The following UTP20 variants were observed in gnomAD, a reference collection of about 807,000 sequenced individuals.
The protein encoded by UTP20 is small subunit processome component 20 homolog.
UTP20 carries 164 observed loss-of-function variants against 329.5 expected under a neutral mutation model. The observed-to-expected ratio is 0.50, with a 90% CI of 0.44 to 0.57. UTP20 has a LOEUF of 0.57. Among genes scored for constraint, UTP20 ranks in the 20% least tolerant of loss-of-function variants. The pLI is 0.00. For synonymous variants in UTP20, 1,151 were observed against 1,159.3 expected (o/e 0.99, Z 0.14); for missense variants, 3,055 against 3,284.2 (o/e 0.93, Z 1.71).
At chr12:101,295,766 CATG>C in intron 12 of UTP20, 108 bp downstream of exon 12, 1 of 1,247,292 alleles carries the variant, frequency 8.0e-7, no homozygotes, top group Non-Finnish European at 1.1e-6. Context: ...GAAAGATGTC[CATG>C]ATAAGTTGTG....
intron 25 of UTP20, 185 bp from the exon 26 acceptor site, chr12:101,326,896 C>A (rs1345254159): frequency 3.3e-6 from 2 of 606,654 alleles, no homozygotes; most frequent in Non-Finnish European, 5.3e-6. Flanking sequence ...GCTCTCTTAG[C>A]CTTATTTTGT....
Position 101,305,765 on chromosome 12 carries a change from T to A in UTP20, c.1782-150T>A, listed in dbSNP as rs188509987. 42 of 864,178 alleles carry A rather than the reference T, an allele frequency of 4.9e-5. No individual in the cohort carries two copies. The East Asian group carries it at 5.7e-4, about 12-fold the overall frequency. 53.5% of individuals were successfully genotyped at this position (864,178 alleles called of 1,614,324 possible). ...TTGTTGCTGGGCCTCAGATTCTTCA[T>A]CTATGAAGTGAGCCAGATATCCACG... On this transcript the variant is annotated intron_variant, in intron 15 of 61. Coordinates refer to ENST00000261637, the MANE Select transcript of UTP20 (RefSeq NM_014503.3).
At chr12:101,382,918 G>A in intron 58 of UTP20, 123 bp from the exon 59 acceptor site, 1 of 1,146,748 alleles carries the variant, frequency 8.7e-7, no homozygotes, top group Non-Finnish European at 1.2e-6. Context: ...TTAAATAGTT[G>A]TAATACCTAG....
Position 101,280,968 on chromosome 12 carries a change from GTAAATT to G in UTP20, c.46-146_46-141del, listed in dbSNP as rs1292169289. 4.9e-6 allele frequency: 3 copies of G among 615,386 alleles called. No homozygotes were observed. The African/African-American group carries it at 5.5e-5, about 11-fold the overall frequency. The allele number at this position is 615,386 out of a possible 1,614,324, so 38.1% of individuals were successfully genotyped here. On this transcript the variant is annotated intron_variant, in intron 1 of 61. Transcript: ENST00000261637. ...TTCATTATCTTTGAACAGTGATGCA[GTAAATT>G]TGTTTACGGCCGTATGTTTTTCAGT...
intron 27 of UTP20, among the ~76,000 whole-genome samples, chr12:101,332,602 A>G (rs1253230522): frequency 1.3e-5 from 2 of 152,172 alleles, no homozygotes; most frequent in African/African-American, 4.8e-5. Flanking sequence ...GTTTGCTTTT[A>G]TTTCACACTC....
rs527372450 is a variant in UTP20 at position 101,329,564 on chromosome 12, C to T, written c.3417+115C>T. Reference sequence around the variant, plus strand: ...TTCCAACTCTCATTTCAAGTTTGATCCCAGAACAAAGCCCAAAATTGTAAA... The same window carrying T: ...TTCCAACTCTCATTTCAAGTTTGATTCCAGAACAAAGCCCAAAATTGTAAA... On this transcript the variant is annotated intron_variant, in intron 27 of 61. Coordinates refer to ENST00000261637, the MANE Select transcript of UTP20 (RefSeq NM_014503.3). 1.6e-4 allele frequency: 177 copies of T among 1,086,904 alleles called. No homozygotes were observed. In the African/African-American group the frequency reaches 2.5e-3, roughly 15 times the overall value. The allele number at this position is 1,086,904 out of a possible 1,614,324, so 67.3% of individuals were successfully genotyped here.
intron 48 of UTP20, 32 bp downstream of exon 48, chr12:101,368,008 A>G: frequency 7.0e-7 from 1 of 1,423,134 alleles, no homozygotes; most frequent in Non-Finnish European, 9.9e-7. Context: ...GCATTGGAGC[A>G]TTTATTTCTT....
In UTP20 at chr12:101,345,619, A is replaced by G; in HGVS notation, c.4671A>G (p.Glu1557=). 6.2e-7 allele frequency: 1 copy of G among 1,612,644 alleles called. No individual in the cohort carries two copies. The highest frequency in any genetic ancestry group is 8.5e-7 in the Non-Finnish European group (1 of 1,178,784). ...TTCAAACCTTTCCAAACCAACTGGA[A>G]TTCAAAGACTTGGTACAACTTACTC... ...CLIQTFPNQL[E]FKDLVQLTHY... is the part of the protein sequence containing the mutation. The change falls in exon 37 of 62, where the codon GAA becomes GAG. Residue 1557 remains glutamate, a synonymous_variant. Coordinates refer to ENST00000261637, the MANE Select transcript of UTP20 (RefSeq NM_014503.3).
At chr12:101,369,599 G>C in intron 48 of UTP20, 122 bp from the exon 49 acceptor site, 1 of 612,246 alleles carries the variant, frequency 1.6e-6, no homozygotes, top group East Asian at 2.5e-5. Flanking sequence ...TTCCAGAGTG[G>C]GCTGCGCTTA....
At chr12:101,330,568 A>G (rs923856092) in intron 27 of UTP20, among the ~76,000 whole-genome samples, 3 of 152,222 alleles carry the variant, frequency 2.0e-5, no homozygotes, top group Non-Finnish European at 4.4e-5. Context: ...ATGGAAGCAG[A>G]AAAGAGGTCT....
chr12:101,328,752 C>T (rs578172497), intron 26 of UTP20, among the ~76,000 whole-genome samples: 2 of 151,926 alleles, frequency 1.3e-5, no homozygotes, highest in African/African-American at 4.8e-5. Context: ...ACCTATAATC[C>T]CAGCTACTTG....
chr12:101,344,844 C>A, intron 36 of UTP20, 94 bp downstream of exon 36: 1 of 1,024,010 alleles, frequency 9.8e-7, no homozygotes, highest in East Asian at 2.6e-5. Flanking sequence ...AGTAGTCAGG[C>A]TTAGTGCATT....
chr12:101,302,344 T>C, intron 14 of UTP20, 104 bp from the exon 15 acceptor site: 1 of 686,834 alleles, frequency 1.5e-6, no homozygotes, highest in Non-Finnish European at 2.5e-6. Context: ...AAATTCACTT[T>C]AAGAACTTCC....
intron 44 of UTP20, 64 bp downstream of exon 44, chr12:101,362,124 T>C (rs1869946797): frequency 3.4e-6 from 4 of 1,167,822 alleles, no homozygotes; most frequent in Non-Finnish European, 5.1e-6. Context: ...AAAAAATCAA[T>C]TCACCAAATA....
intron 10 of UTP20, 68 bp downstream of exon 10, chr12:101,292,172 G>A: frequency 1.3e-6 from 2 of 1,514,762 alleles, no homozygotes; most frequent in Non-Finnish European, 1.8e-6. Context: ...ACCTTCTGAG[G>A]AATACAAGTG....
chr12:101,299,629 G>T, intron 12 of UTP20, 53 bp from the exon 13 acceptor site: 1 of 1,487,982 alleles, frequency 6.7e-7, no homozygotes. Context: ...GACTTCAGAG[G>T]GCAAGAGCGA....
At chr12:101,293,083 C>T (rs189446324) in intron 10 of UTP20, 85 bp from the exon 11 acceptor site, 361 of 1,354,492 alleles carry the variant, frequency 2.7e-4, no homozygotes, top group Non-Finnish European at 3.7e-4. Context: ...AGTGTCCCTG[C>T]CATTCCCTTC....
rs777290402 is a variant in UTP20, at chr12:101,342,472, A to T, written c.4128A>T (p.Thr1376=). The T allele has an allele frequency of 6.2e-7, 1 of 1,609,508 alleles. No homozygotes were observed. The highest frequency in any genetic ancestry group is 8.5e-7 in the Non-Finnish European group (1 of 1,178,832). The change falls in exon 33 of 62, where the codon ACA becomes ACT. Residue 1376 remains threonine (T), a synonymous_variant. Coordinates refer to ENST00000261637, the MANE Select transcript of UTP20 (RefSeq NM_014503.3). ...AEDTEVDILV[T]VQNLLKHCVD... is the part of the protein sequence containing the mutation. ...ATACAGAGGTTGATATTCTGGTGACAGTACAAAACTTGTTAAAGCATTGTG... is the reference window on the plus strand; with the variant it reads ...ATACAGAGGTTGATATTCTGGTGACTGTACAAAACTTGTTAAAGCATTGTG...
chr12:101,295,409 T>A, intron 11 of UTP20, 71 bp from the exon 12 acceptor site: 1 of 1,387,030 alleles, frequency 7.2e-7, no homozygotes, highest in Non-Finnish European at 9.5e-7. Flanking sequence ...TTGGTCTAGT[T>A]TTTTGAATTG....
Sources: allele counts gnomAD v4.1 joint callset (sites outside exome capture counted in the v4.1 genomes callset), GRCh38; gene constraint gnomAD v4.1.1; transcripts MANE v1.5; gene names NCBI Gene and HGNC (gene_info 2026-07-23, HGNC 2026-07-21).